Variants in GALNT13 observed in about 807,000 individuals in gnomAD.
GALNT13 encodes the protein polypeptide N-acetylgalactosaminyltransferase 13, also known as UDP-GalNAc:polypeptide N-acetylgalactosaminyltransferase 13.
GALNT13 carries 28 observed loss-of-function variants against 64.2 expected under a neutral mutation model. The ratio of observed to expected loss-of-function variants is 0.44; its 90% CI spans 0.32 to 0.60. The LOEUF (loss-of-function observed/expected upper bound fraction) is 0.60, where lower values mean the gene tolerates loss of function less well. Ranked by LOEUF, GALNT13 falls within the 20% of genes least tolerant of loss-of-function variation. The pLI is 0.05. For missense variants in GALNT13, 577 were observed against 669.8 expected (o/e 0.86, Z 1.53); for synonymous variants, 214 against 224.6 (o/e 0.95, Z 0.42).
chr2:153,404,503 T>C, the GALNT13 span, among the ~76,000 whole-genome samples: 1 of 146,754 alleles, frequency 6.8e-6, no homozygotes, highest in South Asian at 2.2e-4. Flanking sequence ...AATTGTGATT[T>C]TTTTCAAAAG....
chr2:153,520,078 G>A, the GALNT13 span, among the ~76,000 whole-genome samples: 1 of 152,052 alleles, frequency 6.6e-6, no homozygotes, highest in Non-Finnish European at 1.5e-5. Context: ...TTAAACATAT[G>A]ATGATGTTAA....
intron 3 of GALNT13, among the ~76,000 whole-genome samples, chr2:153,971,404 A>G (rs1030566135): frequency 6.6e-6 from 1 of 151,966 alleles, no homozygotes; most frequent in African/African-American, 2.4e-5. Context: ...CTGTAAGTCT[A>G]TTTTACTGCT....
intron 1 of GALNT13, among the ~76,000 whole-genome samples, chr2:153,881,066 ATT>A (rs1686749899): frequency 6.6e-6 from 1 of 152,158 alleles, no homozygotes; most frequent in Admixed American, 6.5e-5. Flanking sequence ...CATCTAGGTC[ATT>A]TAACAGGTGG....
At chr2:153,308,945 C>G in the GALNT13 span, among the ~76,000 whole-genome samples, 1 of 151,848 alleles carries the variant, frequency 6.6e-6, no homozygotes, top group South Asian at 2.1e-4. Context: ...TAGATTAGAT[C>G]TTTTATTATT....
chr2:154,450,384 G>T (rs764556286), intron 12 of GALNT13, 27 bp from the exon 13 acceptor site: 2 of 1,589,656 alleles, frequency 1.3e-6, no homozygotes, highest in Non-Finnish European at 1.7e-6. Context: ...GAAATAAGCT[G>T]CACTGATTAT....
chr2:153,628,626 C>G, the GALNT13 span, among the ~76,000 whole-genome samples: 1 of 152,166 alleles, frequency 6.6e-6, no homozygotes, highest in East Asian at 1.9e-4. Flanking sequence ...GTCTTTGGTT[C>G]TGTTCATATG....
the GALNT13 span, among the ~76,000 whole-genome samples, chr2:153,134,884 T>C: frequency 6.6e-6 from 1 of 152,170 alleles, no homozygotes; most frequent in Non-Finnish European, 1.5e-5. Context: ...TGTTGCATCA[T>C]ATGCACATTT....
At chr2:153,655,825 G>T in the GALNT13 span, among the ~76,000 whole-genome samples, 2 of 152,004 alleles carry the variant, frequency 1.3e-5, no homozygotes, top group East Asian at 1.9e-4. Flanking sequence ...GTTTGCTATT[G>T]CTTGGGAGGG....
the GALNT13 span, among the ~76,000 whole-genome samples, chr2:153,605,619 G>A: frequency 6.6e-6 from 1 of 152,046 alleles, no homozygotes; most frequent in African/African-American, 2.4e-5. Flanking sequence ...TGCAGTGTGT[G>A]TGAACTCATG....
chr2:153,921,140 A>G (rs1358629620), intron 2 of GALNT13, among the ~76,000 whole-genome samples: 1 of 152,172 alleles, frequency 6.6e-6, no homozygotes, highest in Non-Finnish European at 1.5e-5. Context: ...ATCCAAAAGA[A>G]TATAAATCAC....
At chr2:153,532,911 G>A in the GALNT13 span, among the ~76,000 whole-genome samples, 3 of 152,072 alleles carry the variant, frequency 2.0e-5, no homozygotes, top group African/African-American at 7.2e-5. Flanking sequence ...GAATAAAAGT[G>A]GATTGTTTGT....
chr2:154,029,863 A>T (rs749704249), intron 3 of GALNT13, among the ~76,000 whole-genome samples: 11 of 152,176 alleles, frequency 7.2e-5, no homozygotes, highest in Non-Finnish European at 1.3e-4. Flanking sequence ...AAAGCATAAG[A>T]AAGAGTCAGA....
At chr2:154,402,138 C>T (rs1463556946) in intron 10 of GALNT13, among the ~76,000 whole-genome samples, 2 of 152,180 alleles carry the variant, frequency 1.3e-5, no homozygotes, top group South Asian at 2.1e-4. Context: ...GAAGGATAAA[C>T]GTATGTTGGG....
chr2:153,768,507 ATCT>A, the GALNT13 span, among the ~76,000 whole-genome samples: 1 of 152,116 alleles, frequency 6.6e-6, no homozygotes, highest in South Asian at 2.1e-4. Context: ...CAATAGTTAA[ATCT>A]TCTTGTTCCA....
In GALNT13 at chr2:153,962,337, C is replaced by T. The variant is rs139994828; in HGVS notation, c.142+17698C>T. 3.7e-3 allele frequency among the ~76,000 whole-genome samples: 556 copies of T among 152,112 alleles called. 7 individuals are homozygous for T. Among genetic ancestry groups the T allele is most frequent in the African/African-American group, 0.013 (533 of 41,504 alleles). ...TAAAGCGAGTTCTAGATGGAATAGACGTATCATGTGGAGTATGTGGAATGA... is the reference window on the plus strand; with the variant it reads ...TAAAGCGAGTTCTAGATGGAATAGATGTATCATGTGGAGTATGTGGAATGA... On this transcript the variant is annotated intron_variant, in intron 3 of 12. Transcript: ENST00000392825.
At chr2:153,343,517 AAT>A in the GALNT13 span, among the ~76,000 whole-genome samples, 1 of 152,076 alleles carries the variant, frequency 6.6e-6, no homozygotes, top group Non-Finnish European at 1.5e-5. Context: ...GCTTATAAAA[AAT>A]ATGTTTATTG....
chr2:153,249,457 TA>T, the GALNT13 span, among the ~76,000 whole-genome samples: 13 of 152,356 alleles, frequency 8.5e-5, no homozygotes, highest in Admixed American at 8.5e-4. Flanking sequence ...CTGCCCAAAG[TA>T]ATTTACAGAT....
At chr2:153,885,632 T>C (rs1477658407) in intron 1 of GALNT13, among the ~76,000 whole-genome samples, 1 of 152,096 alleles carries the variant, frequency 6.6e-6, no homozygotes, top group Non-Finnish European at 1.5e-5. Flanking sequence ...CTCTCTGTTT[T>C]TAAACGGTAC....
At chr2:153,143,012 A>C in the GALNT13 span, among the ~76,000 whole-genome samples, 2 of 152,062 alleles carry the variant, frequency 1.3e-5, no homozygotes, top group African/African-American at 4.8e-5. Flanking sequence ...ATGGGCAATG[A>C]AGAGAAGCTT....
Sources: allele counts gnomAD v4.1 joint callset (sites outside exome capture counted in the v4.1 genomes callset), GRCh38; gene constraint gnomAD v4.1.1; transcripts MANE v1.5; gene names NCBI Gene and HGNC (gene_info 2026-07-23, HGNC 2026-07-21).